OAS1: variants seen among roughly 807,000 people sequenced by gnomAD.
OAS1 encodes 2'-5'-oligoadenylate synthetase 1, also known as 2'-5'-oligoadenylate synthase 1.
OAS1 carries 24 observed loss-of-function variants against 38.5 expected under a neutral mutation model. That is an observed-to-expected ratio of 0.62 (90% CI 0.45 to 0.88). OAS1 has a LOEUF of 0.88. Among genes scored for constraint, OAS1 ranks in the 40% least tolerant of loss-of-function variants. The pLI is 0.00. For synonymous variants in OAS1, 169 were observed against 193.9 expected (o/e 0.87, Z 1.07); for missense variants, 482 against 493.9 (o/e 0.98, Z 0.23).
At chr12:112,921,431 A>G (rs2043527762), downstream of OAS1, among the ~76,000 whole-genome samples, 1 of 152,142 alleles carries the variant, frequency 6.6e-6, no homozygotes, top group African/African-American at 2.4e-5. Context: ...AGATTAATGG[A>G]ATCAGTAATT....
At chr12:112,919,271 A>G in intron 5 of OAS1, 118 bp from the exon 6 acceptor site, 2 of 944,602 alleles carry the variant, frequency 2.1e-6, no homozygotes, top group Non-Finnish European at 3.2e-6. Context: ...GGGGCTTGTT[A>G]GTCCTTCCTC....
intron 6 of OAS1, among the ~76,000 whole-genome samples, chr12:112,929,089 G>A (rs1013928328): frequency 1.3e-5 from 2 of 152,204 alleles, no homozygotes; most frequent in African/African-American, 4.8e-5. Flanking sequence ...AGAGGGCCCT[G>A]TGAGACAAGC....
At chr12:112,923,199 C>A (rs1343462958), downstream of OAS1, among the ~76,000 whole-genome samples, 1 of 152,200 alleles carries the variant, frequency 6.6e-6, no homozygotes, top group Non-Finnish European at 1.5e-5. Context: ...CATGGGAATG[C>A]AGTTATCTCT....
At chr12:112,927,609 G>A (rs2043567751) in intron 6 of OAS1, among the ~76,000 whole-genome samples, 2 of 152,176 alleles carry the variant, frequency 1.3e-5, no homozygotes, top group Admixed American at 1.3e-4. Flanking sequence ...TATAGAACAT[G>A]CATGATTGCA....
At chr12:112,923,704 C>G (rs1228096962), downstream of OAS1, among the ~76,000 whole-genome samples, 10 of 152,092 alleles carry the variant, frequency 6.6e-5, no homozygotes, top group Non-Finnish European at 1.5e-5. Flanking sequence ...TATGCAGAAG[C>G]TTTTTAGTCT....
chr12:112,924,295 C>T (rs2043546682), downstream of OAS1, among the ~76,000 whole-genome samples: 2 of 152,172 alleles, frequency 1.3e-5, no homozygotes, highest in South Asian at 4.2e-4. Context: ...CCTTATAATT[C>T]TTAGTATCTT....
At chr12:112,922,376 A>G (rs1367287858), downstream of OAS1, among the ~76,000 whole-genome samples, 2 of 152,120 alleles carry the variant, frequency 1.3e-5, no homozygotes, top group Non-Finnish European at 2.9e-5. Flanking sequence ...TTCTAATGGT[A>G]TAAATTGAGT....
At position 112,916,693 on chromosome 12, in the gene OAS1, A is replaced by C. The variant is rs3209727; in HGVS notation, c.839A>C (p.Asn280Thr). The change falls in exon 4 of 6, where the codon AAC becomes ACC. Residue 280 changes from asparagine to threonine, a missense_variant. By Grantham distance (65) the Asn-to-Thr change is moderately conservative. Coordinates refer to ENST00000202917, the MANE Select transcript of OAS1 (RefSeq NM_016816.4). Reference protein sequence around the residue: ...IYWTKYYDFKNPIIEKYLRRQ... With the variant: ...IYWTKYYDFKTPIIEKYLRRQ... The stretch of plus-strand genomic sequence containing the variant: ...TGGACAAAGTATTATGACTTTAAAA[A>C]CCCCATTATTGAAAAGTACCTGAGA... 23 of 1,613,722 alleles carry C rather than the reference A, an allele frequency of 1.4e-5. No homozygotes were observed. Among genetic ancestry groups the C allele is most frequent in the Non-Finnish European group, 1.7e-5 (20 of 1,179,974 alleles).
chr12:112,919,834 C>T lies in OAS1; in HGVS notation c.*281C>T. On this transcript the variant is annotated 3_prime_UTR_variant, in exon 6 of 6. Transcript: ENST00000202917. The stretch of plus-strand genomic sequence containing the variant: ...AGAATGAAATTCCAGCCTTGACTTT[C>T]TTCTGTGCACCTGATGGGAGGGTAA... 8.8e-7 allele frequency: 1 copy of T among 1,139,476 alleles called. No individual in the cohort carries two copies. The allele number at this position is 1,139,476 out of a possible 1,614,324, so 70.6% of individuals were successfully genotyped here.
chr12:112,926,483 G>A (rs1208419435), intron 6 of OAS1, among the ~76,000 whole-genome samples: 1 of 152,036 alleles, frequency 6.6e-6, no homozygotes, highest in Non-Finnish European at 1.5e-5. Context: ...GGGTGTCCAG[G>A]GCAGACATCA....
intron 6 of OAS1, among the ~76,000 whole-genome samples, chr12:112,927,439 C>G (rs1290847711): frequency 6.6e-6 from 1 of 152,128 alleles, no homozygotes; most frequent in Non-Finnish European, 1.5e-5. Context: ...AGAAGTGCCT[C>G]CCTCCCTATT....
At chr12:112,925,498 T>A (rs2043552950) in intron 6 of OAS1, among the ~76,000 whole-genome samples, 1 of 152,136 alleles carries the variant, frequency 6.6e-6, no homozygotes, top group Non-Finnish European at 1.5e-5. Context: ...CTTACCTAAC[T>A]CCTTGGTGAA....
chr12:112,909,861 A>C (rs1467555696), intron 2 of OAS1, among the ~76,000 whole-genome samples: 1 of 152,210 alleles, frequency 6.6e-6, no homozygotes, highest in East Asian at 1.9e-4. Flanking sequence ...AGTGGCTACT[A>C]ATTAATAGTT....
At chr12:112,925,149 C>T (rs939724671) in intron 6 of OAS1, among the ~76,000 whole-genome samples, 10 of 152,106 alleles carry the variant, frequency 6.6e-5, no homozygotes, top group East Asian at 3.9e-4. Context: ...AATGAGGAAA[C>T]GTTCAATGTC....
chr12:112,911,116 G>A lies in OAS1; in HGVS notation c.535G>A (p.Asp179Asn), dbSNP rs143462183. Reference sequence around the variant, plus strand: ...TGTCAAGCTCATCGAGGAGTGCACCGACCTGCAGAAAGAGGGCGAGTTCTC... The same window carrying A: ...TGTCAAGCTCATCGAGGAGTGCACCAACCTGCAGAAAGAGGGCGAGTTCTC... ...IYVKLIEECTDLQKEGEFSTC... is the reference protein window; with the variant it reads ...IYVKLIEECTNLQKEGEFSTC... Residue 179 changes from aspartate to asparagine, a missense_variant, in exon 3 of 6, where the codon GAC (aspartate) becomes AAC (asparagine). Coordinates refer to ENST00000202917, the MANE Select transcript of OAS1 (RefSeq NM_016816.4). 19 of 1,613,790 alleles carry A rather than the reference G, an allele frequency of 1.2e-5. No individual in the cohort carries two copies. The highest frequency in any genetic ancestry group is 1.6e-4 in the Middle Eastern group (1 of 6,062).
intron 6 of OAS1, among the ~76,000 whole-genome samples, chr12:112,927,264 A>T (rs914107026): frequency 2.0e-5 from 3 of 152,190 alleles, no homozygotes; most frequent in Non-Finnish European, 4.4e-5. Context: ...GAAGTGATAA[A>T]TGTCCATGAA....
In OAS1 at chr12:112,910,845, C is replaced by A. The variant is rs115374122; in HGVS notation, c.470-206C>A. On this transcript the variant is annotated intron_variant, in intron 2 of 5. Transcript: ENST00000202917. Reference sequence around the variant, plus strand: ...CTGTAAAGAGGTTGCTGCCATAGTTCCGGCGAGTGACGGTGGTGGCTTGGA... The same window carrying A: ...CTGTAAAGAGGTTGCTGCCATAGTTACGGCGAGTGACGGTGGTGGCTTGGA... Among the ~76,000 whole-genome samples the A allele has an allele frequency of 3.9e-3, 586 of 152,192 alleles. 4 individuals are homozygous for A. Among genetic ancestry groups the A allele is most frequent in the African/African-American group, 0.013 (560 of 41,524 alleles).
chr12:112,921,723 C>T (rs2043530557), downstream of OAS1, among the ~76,000 whole-genome samples: 1 of 152,204 alleles, frequency 6.6e-6, no homozygotes, highest in African/African-American at 2.4e-5. Flanking sequence ...ACAGCCTATA[C>T]CAGCTGCAGA....
At chr12:112,911,388 T>G (rs2043382009) in intron 3 of OAS1, among the ~76,000 whole-genome samples, 153 bp downstream of exon 3, 7 of 143,784 alleles carry the variant, frequency 4.9e-5, no homozygotes, top group Non-Finnish European at 7.7e-5. Context: ...GAAAAAGAGG[T>G]GGAGAGAGGA....
Sources: allele counts gnomAD v4.1 joint callset (sites outside exome capture counted in the v4.1 genomes callset), GRCh38; gene constraint gnomAD v4.1.1; transcripts MANE v1.5; gene names NCBI Gene and HGNC (gene_info 2026-07-23, HGNC 2026-07-21).